DLGAP2: variants seen among roughly 807,000 people sequenced by gnomAD.
DLGAP2 encodes the protein DLG associated protein 2.
DLGAP2 carries 26 observed loss-of-function variants against 100.3 expected under a neutral mutation model. That is an observed-to-expected ratio of 0.26 (90% CI 0.19 to 0.36). DLGAP2 has a LOEUF of 0.36. Among genes scored for constraint, DLGAP2 ranks in the 10% least tolerant of loss-of-function variants. The probability of loss-of-function intolerance (pLI) is 1.00; values close to 1 mark genes in which losing one functional copy is unlikely to be tolerated. For missense variants in DLGAP2, 1,858 were observed against 1,453.2 expected (o/e 1.28, Z -4.53); for synonymous variants, 886 against 630.1 (o/e 1.41, Z -6.08).
intron 2 of DLGAP2, among the ~76,000 whole-genome samples, chr8:1,166,656 GTC>G (rs1797022465): frequency 6.6e-6 from 1 of 152,136 alleles, no homozygotes; most frequent in South Asian, 2.1e-4. Context: ...TAAGCATGTC[GTC>G]TCTGTTTCCA....
At chr8:952,875 A>T (rs1799513276) in intron 2 of DLGAP2, among the ~76,000 whole-genome samples, 1 of 152,242 alleles carries the variant, frequency 6.6e-6, no homozygotes, top group African/African-American at 2.4e-5. Context: ...AAGAAAATGC[A>T]TTCTCACACA....
At chr8:1,365,875 C>T (rs887667108) in intron 3 of DLGAP2, among the ~76,000 whole-genome samples, 1 of 152,234 alleles carries the variant, frequency 6.6e-6, no homozygotes, top group African/African-American at 2.4e-5. Context: ...CTCTCTAACT[C>T]CCCAGAATAA....
At chr8:1,092,345 C>T (rs551638306) in intron 2 of DLGAP2, among the ~76,000 whole-genome samples, 13 of 152,342 alleles carry the variant, frequency 8.5e-5, no homozygotes, top group South Asian at 2.1e-4. Flanking sequence ...TTGGTGGCCA[C>T]GTGGATGCGT....
At chr8:1,456,764 G>A (rs1798324925) in intron 3 of DLGAP2, among the ~76,000 whole-genome samples, 2 of 152,404 alleles carry the variant, frequency 1.3e-5, no homozygotes, top group South Asian at 4.1e-4. Flanking sequence ...GTGCCAGGCT[G>A]TGCACTGGTG....
chr8:1,068,419 G>A (rs941990230), intron 2 of DLGAP2, among the ~76,000 whole-genome samples: 1 of 152,196 alleles, frequency 6.6e-6, no homozygotes, highest in Non-Finnish European at 1.5e-5. Context: ...CCCCCACAGT[G>A]GATAAGAGTT....
intron 2 of DLGAP2, among the ~76,000 whole-genome samples, chr8:1,113,882 G>A (rs1364608904): frequency 6.6e-6 from 1 of 152,092 alleles, no homozygotes; most frequent in Non-Finnish European, 1.5e-5. Context: ...TCAATACCTA[G>A]TATATTGAGA....
intron 2 of DLGAP2, among the ~76,000 whole-genome samples, chr8:924,844 C>T (rs1047005652): frequency 4.6e-5 from 7 of 152,108 alleles, no homozygotes; most frequent in African/African-American, 1.7e-4. Flanking sequence ...CCTTGGCCTC[C>T]CAAAGTGCTG....
chr8:876,352 G>A (rs1436457851), intron 1 of DLGAP2, among the ~76,000 whole-genome samples: 1 of 152,022 alleles, frequency 6.6e-6, no homozygotes, highest in Non-Finnish European at 1.5e-5. Context: ...TATTTTTCTG[G>A]AAATGTCTTT....
intron 3 of DLGAP2, among the ~76,000 whole-genome samples, chr8:1,464,211 T>TTCCAGGAAAGCACCTG (rs1563164703): frequency 2.6e-5 from 4 of 151,764 alleles, no homozygotes; most frequent in Admixed American, 6.5e-5. Flanking sequence ...GACAACACCC[T>TTCCAGGAAAGCACCTG]TCCAGGACGG....
intron 3 of DLGAP2, among the ~76,000 whole-genome samples, chr8:1,307,386 T>C (rs562935787): frequency 1.3e-5 from 2 of 152,268 alleles, no homozygotes; most frequent in South Asian, 2.1e-4. Context: ...TTGGCAAGGA[T>C]GTGGAGAAGT....
intron 2 of DLGAP2, among the ~76,000 whole-genome samples, chr8:951,544 C>T (rs1799480220): frequency 6.6e-6 from 1 of 152,228 alleles, no homozygotes; most frequent in African/African-American, 2.4e-5. Flanking sequence ...AGCCACTGCA[C>T]CTGGCTGATA....
At chr8:1,006,396 T>A (rs1231231051) in intron 2 of DLGAP2, among the ~76,000 whole-genome samples, 1 of 150,232 alleles carries the variant, frequency 6.7e-6, no homozygotes, top group African/African-American at 2.5e-5. Context: ...GGGGACACCA[T>A]GTGTCTGAAG....
At chr8:1,389,812 G>A (rs1311557831) in intron 3 of DLGAP2, among the ~76,000 whole-genome samples, 1 of 152,066 alleles carries the variant, frequency 6.6e-6, no homozygotes, top group Non-Finnish European at 1.5e-5. Flanking sequence ...TTCCCTGCAA[G>A]GATCCAACGC....
intron 2 of DLGAP2, among the ~76,000 whole-genome samples, chr8:960,461 C>G (rs1799700527): frequency 6.6e-6 from 1 of 151,812 alleles, no homozygotes; most frequent in Non-Finnish European, 1.5e-5. Flanking sequence ...TGAACTCCTC[C>G]TGACCACAGG....
Position 842,024 on chromosome 8 carries a change from C to G in DLGAP2, c.19-65888C>G, listed in dbSNP as rs183418460. On this transcript the variant is annotated intron_variant, in intron 1 of 14. Transcript: ENST00000637795. Reference sequence around the variant, plus strand: ...TGTGACTACGGAAGACACCAAGTACCTTTCTCACATGCTCCCCTGTGTCCT... The same window carrying G: ...TGTGACTACGGAAGACACCAAGTACGTTTCTCACATGCTCCCCTGTGTCCT... Among the ~76,000 whole-genome samples the G allele has an allele frequency of 5.9e-5, 9 of 152,268 alleles. No homozygotes were observed. The East Asian group carries it at 1.7e-3, about 29-fold the overall frequency.
intron 2 of DLGAP2, among the ~76,000 whole-genome samples, chr8:1,091,372 G>C (rs1563186486): frequency 6.6e-6 from 1 of 152,240 alleles, no homozygotes; most frequent in African/African-American, 2.4e-5. Context: ...GGACATGGGG[G>C]AGGCCAGTGT....
At chr8:1,505,080 T>C (rs1172534608) in intron 4 of DLGAP2, among the ~76,000 whole-genome samples, 1 of 152,160 alleles carries the variant, frequency 6.6e-6, no homozygotes, top group Non-Finnish European at 1.5e-5. Context: ...ATAACAACAT[T>C]GGGAGCAAAT....
intron 3 of DLGAP2, among the ~76,000 whole-genome samples, chr8:1,322,222 T>A: frequency 6.6e-6 from 1 of 152,256 alleles, no homozygotes; most frequent in South Asian, 2.1e-4. Context: ...CAGATGTACA[T>A]CATTTAATAG....
At chr8:1,252,695 G>A (rs1194289105) in intron 2 of DLGAP2, among the ~76,000 whole-genome samples, 1 of 152,242 alleles carries the variant, frequency 6.6e-6, no homozygotes, top group Non-Finnish European at 1.5e-5. Flanking sequence ...AGGCCGCCGG[G>A]TGTCATGGCT....
Sources: allele counts gnomAD v4.1 joint callset (sites outside exome capture counted in the v4.1 genomes callset), GRCh38; gene constraint gnomAD v4.1.1; transcripts MANE v1.5; gene names NCBI Gene and HGNC (gene_info 2026-07-23, HGNC 2026-07-21).